Variants in MGAT5 observed in about 807,000 individuals in gnomAD.
MGAT5 encodes alpha-1,6-mannosylglycoprotein 6-beta-N-acetylglucosaminyltransferase A.
In MGAT5, 30 loss-of-function variants were observed where a neutral mutation model predicts 94.3. The observed-to-expected ratio is 0.32, with a 90% CI of 0.24 to 0.43. The LOEUF is 0.43. Among genes scored for constraint, MGAT5 ranks in the 20% least tolerant of loss-of-function variants. MGAT5 has a pLI of 1.00. For missense variants in MGAT5, 691 were observed against 905.5 expected (o/e 0.76, Z 3.04); for synonymous variants, 310 against 322.9 (o/e 0.96, Z 0.43).
At chr2:134,333,889 T>G (rs1371129) in intron 4 of MGAT5, among the ~76,000 whole-genome samples, 1 of 152,144 alleles carries the variant, frequency 6.6e-6, no homozygotes, top group Non-Finnish European at 1.5e-5. Context: ...GAGAAAGAAA[T>G]GCTTTGTTTT....
At chr2:134,280,369 C>G (rs1197819041) in intron 2 of MGAT5, among the ~76,000 whole-genome samples, 1 of 152,128 alleles carries the variant, frequency 6.6e-6, no homozygotes. Flanking sequence ...GATCACAAAC[C>G]CCAAATCTGC....
At chr2:134,269,296 G>A (rs2105624860) in intron 1 of MGAT5, among the ~76,000 whole-genome samples, 1 of 152,326 alleles carries the variant, frequency 6.6e-6, no homozygotes, top group African/African-American at 2.4e-5. Context: ...ATGTGAGCAT[G>A]TGTGTTTATT....
At chr2:134,154,030 C>T (rs1051117361) in intron 1 of MGAT5, among the ~76,000 whole-genome samples, 1 of 151,962 alleles carries the variant, frequency 6.6e-6, no homozygotes, top group African/African-American at 2.4e-5. Context: ...AAAAAAATAC[C>T]CAGAGCCCCG....
chr2:134,185,803 C>A (rs1424344803), intron 1 of MGAT5, among the ~76,000 whole-genome samples: 8 of 152,170 alleles, frequency 5.3e-5, no homozygotes, highest in Admixed American at 5.2e-4. Context: ...AAAATCCAGA[C>A]CTTGTAGGGA....
chr2:134,136,222 A>G (rs190543441), intron 1 of MGAT5, among the ~76,000 whole-genome samples: 46 of 152,284 alleles, frequency 3.0e-4, no homozygotes, highest in African/African-American at 1.1e-3. Context: ...AGATAGTATT[A>G]TTTAATGTGT....
At chr2:134,314,705 G>A (rs1686896109) in intron 2 of MGAT5, among the ~76,000 whole-genome samples, 1 of 152,136 alleles carries the variant, frequency 6.6e-6, no homozygotes, top group Admixed American at 6.5e-5. Context: ...AAGAGGAAGG[G>A]GCTTTAACTG....
At chr2:134,244,321 G>T (rs1395204567) in intron 1 of MGAT5, among the ~76,000 whole-genome samples, 1 of 151,634 alleles carries the variant, frequency 6.6e-6, no homozygotes, top group Non-Finnish European at 1.5e-5. Flanking sequence ...TTTTTTAATG[G>T]CTGTCTGATG....
chr2:134,294,401 G>A (rs1173558145), intron 2 of MGAT5, among the ~76,000 whole-genome samples: 2 of 152,028 alleles, frequency 1.3e-5, no homozygotes, highest in African/African-American at 2.4e-5. Flanking sequence ...CTAAGTATTC[G>A]GGGTATGATG....
intron 1 of MGAT5, among the ~76,000 whole-genome samples, chr2:134,123,059 C>G (rs1292538031): frequency 6.6e-6 from 1 of 152,202 alleles, no homozygotes; most frequent in Non-Finnish European, 1.5e-5. Flanking sequence ...ATGCCATGTT[C>G]TTTGGTAGAA....
chr2:134,231,798 G>A (rs78825323), intron 1 of MGAT5, among the ~76,000 whole-genome samples: 4,057 of 152,230 alleles, frequency 0.027, 118 homozygotes, highest in East Asian at 0.1. Flanking sequence ...AGACCAGGGC[G>A]GGGCCAAGTG....
chr2:134,402,225 A>C (rs1490957519), intron 10 of MGAT5, among the ~76,000 whole-genome samples: 1 of 152,228 alleles, frequency 6.6e-6, no homozygotes, highest in East Asian at 1.9e-4. Flanking sequence ...ACTTGCTTCC[A>C]CTTCACAGGT....
intron 10 of MGAT5, among the ~76,000 whole-genome samples, chr2:134,390,358 GT>G (rs1682324389): frequency 6.6e-6 from 1 of 151,848 alleles, no homozygotes; most frequent in South Asian, 2.1e-4. Context: ...TTGTTTGTTT[GT>G]TTGTTTTTTT....
intron 1 of MGAT5, among the ~76,000 whole-genome samples, chr2:134,182,585 G>A (rs1414437049): frequency 6.6e-6 from 1 of 152,106 alleles, no homozygotes; most frequent in Non-Finnish European, 1.5e-5. Context: ...ACACACCTGT[G>A]TTAGGAGTAC....
rs1487045979 is a variant in MGAT5 at position 134,384,675 on chromosome 2, T to C, written c.1381-18313T>C. 2.0e-5 allele frequency among the ~76,000 whole-genome samples: 3 copies of C among 152,216 alleles called. No homozygotes were observed. The East Asian group carries it at 5.8e-4, about 29-fold the overall frequency. ...CAAGCATTTATGCTATATCATGATA[T>C]CTGCATTTCTGAAAAATCTTGAAAA... On this transcript the variant is annotated intron_variant, in intron 10 of 15. Transcript: ENST00000281923.
intron 1 of MGAT5, among the ~76,000 whole-genome samples, chr2:134,203,946 G>A (rs1023773422): frequency 6.6e-6 from 1 of 152,074 alleles, no homozygotes; most frequent in African/African-American, 2.4e-5. Context: ...TGATCTGATG[G>A]GAGTAATTCC....
intron 1 of MGAT5, among the ~76,000 whole-genome samples, chr2:134,269,043 T>C (rs1258059758): frequency 1.3e-5 from 2 of 152,230 alleles, no homozygotes; most frequent in East Asian, 3.8e-4. Flanking sequence ...AGTTTTCTTA[T>C]CTGTAAAACG....
At chr2:134,173,334 C>T (rs1254995418) in intron 1 of MGAT5, among the ~76,000 whole-genome samples, 2 of 152,160 alleles carry the variant, frequency 1.3e-5, no homozygotes, top group Non-Finnish European at 2.9e-5. Flanking sequence ...GTCTGCTCTT[C>T]AAGGGTTGCC....
intron 1 of MGAT5, among the ~76,000 whole-genome samples, chr2:134,265,729 TGAG>T (rs1461062127): frequency 6.6e-6 from 1 of 152,194 alleles, no homozygotes; most frequent in Non-Finnish European, 1.5e-5. Context: ...ATAATCTTGT[TGAG>T]GACGCATTTT....
chr2:134,213,177 G>A (rs542111605), intron 1 of MGAT5, among the ~76,000 whole-genome samples: 3 of 152,232 alleles, frequency 2.0e-5, no homozygotes, highest in African/African-American at 7.2e-5. Flanking sequence ...ATGACAGGCT[G>A]GTAACAAATT....
Sources: allele counts gnomAD v4.1 joint callset (sites outside exome capture counted in the v4.1 genomes callset), GRCh38; gene constraint gnomAD v4.1.1; transcripts MANE v1.5; gene names NCBI Gene and HGNC (gene_info 2026-07-23, HGNC 2026-07-21).